C9orf72: variants seen among roughly 807,000 people sequenced by gnomAD.
The protein encoded by C9orf72 is guanine nucleotide exchange factor C9orf72.
C9orf72 carries 44 observed loss-of-function variants against 51.6 expected under a neutral mutation model. The ratio of observed to expected loss-of-function variants is 0.85; its 90% CI spans 0.67 to 1.10. The LOEUF is 1.10. Among genes scored for constraint, C9orf72 ranks in the 50% least tolerant of loss-of-function variants. The probability of loss-of-function intolerance (pLI) is 0.00; values close to 1 mark genes in which losing one functional copy is unlikely to be tolerated. For missense variants in C9orf72, 607 were observed against 570.6 expected, an observed-to-expected ratio of 1.06 and a Z score of -0.65; for synonymous variants, 213 against 194.2, an observed-to-expected ratio of 1.10 and a Z score of -0.81.
intron 1 of C9orf72, among the ~76,000 whole-genome samples, chr9:27,569,810 T>C (rs976749598): frequency 1.3e-5 from 2 of 152,256 alleles, no homozygotes; most frequent in African/African-American, 4.8e-5. Context: ...AGGCAAACTA[T>C]GATATACCTA....
intron 5 of C9orf72, 62 bp from the exon 6 acceptor site, chr9:27,560,361 C>T (rs1197329397): frequency 2.3e-6 from 3 of 1,292,300 alleles, no homozygotes; most frequent in Admixed American, 2.4e-5. Flanking sequence ...AAACTAAAAA[C>T]AAAAAAAAGT....
chr9:27,561,697 G>T, intron 4 of C9orf72, 48 bp from the exon 5 acceptor site: 1 of 1,196,814 alleles, frequency 8.4e-7, no homozygotes. Flanking sequence ...GTAACATAGT[G>T]TTGAAATAAC....
intron 3 of C9orf72, 111 bp downstream of exon 3, chr9:27,565,420 T>C: frequency 1.7e-6 from 1 of 594,638 alleles, no homozygotes; most frequent in South Asian, 2.6e-5. Flanking sequence ...CCATAAAAGC[T>C]CCATTAAAGG....
intron 8 of C9orf72, among the ~76,000 whole-genome samples, chr9:27,551,462 G>A (rs1820907529): frequency 6.6e-6 from 1 of 152,126 alleles, no homozygotes; most frequent in African/African-American, 2.4e-5. Context: ...TTCTACTCAG[G>A]CCAGAGGGTA....
At chr9:27,571,916 A>G (rs1376012157) in intron 1 of C9orf72, among the ~76,000 whole-genome samples, 1 of 152,212 alleles carries the variant, frequency 6.6e-6, no homozygotes, top group Non-Finnish European at 1.5e-5. Flanking sequence ...AATCTTCAAC[A>G]TCAGGGAAGA....
intron 3 of C9orf72, among the ~76,000 whole-genome samples, chr9:27,563,107 A>G (rs914447478): frequency 1.3e-5 from 2 of 152,194 alleles, no homozygotes; most frequent in African/African-American, 4.8e-5. Context: ...AGACTTTGAA[A>G]TCCTTACCAA....
intron 6 of C9orf72, chr9:27,559,575 CTT>C (rs1180992158): frequency 6.6e-6 from 1 of 151,942 alleles, no homozygotes; most frequent in African/African-American, 2.4e-5. Context: ...CTATGTAAAA[CTT>C]TTTTTAAAAA....
chr9:27,565,522 T>G lies in C9orf72; in HGVS notation c.504+9A>C. The G allele has an allele frequency of 6.4e-7, 1 of 1,572,774 alleles. No homozygotes were observed. Among genetic ancestry groups the G allele is most frequent in the Non-Finnish European group, 8.7e-7 (1 of 1,145,034 alleles). On this transcript the variant is annotated intron_variant, in intron 3 of 10. Coordinates refer to ENST00000380003, the MANE Select transcript of C9orf72 (RefSeq NM_018325.5). Reference sequence around the variant, plus strand: ...GAAAAACATTTGACAGTATGCAATTTGCATATACCTGATCTTCCATTCTCT... The same window carrying G: ...GAAAAACATTTGACAGTATGCAATTGGCATATACCTGATCTTCCATTCTCT...
chr9:27,560,432 C>T (rs1313612658), intron 5 of C9orf72, 133 bp from the exon 6 acceptor site: 1 of 667,076 alleles, frequency 1.5e-6, no homozygotes, highest in African/African-American at 1.8e-5. Context: ...GCTATAAGCA[C>T]AATGTTATCT....
chr9:27,570,064 T>C (rs1164137671), intron 1 of C9orf72, among the ~76,000 whole-genome samples: 1 of 152,232 alleles, frequency 6.6e-6, no homozygotes, highest in East Asian at 1.9e-4. Context: ...ACGACAGTTT[T>C]AACACGTGTA....
chr9:27,548,739 T>C (rs2131527133), intron 9 of C9orf72, 73 bp from the exon 10 acceptor site: 1 of 816,654 alleles, frequency 1.2e-6, no homozygotes, highest in Non-Finnish European at 2.1e-6. Flanking sequence ...TATGACAGTG[T>C]TGACAGTGCT....
intron 7 of C9orf72, among the ~76,000 whole-genome samples, chr9:27,558,192 C>T (rs1419601025): frequency 1.3e-5 from 2 of 149,682 alleles, no homozygotes; most frequent in Non-Finnish European, 3.0e-5. Flanking sequence ...AAGAAATGAT[C>T]TTATTTTTGA....
Position 27,547,710 on chromosome 9 carries a change from CTGCT to C in C9orf72, c.*522_*525del, listed in dbSNP as rs1820797160. 1 of 152,596 alleles carries C rather than the reference CTGCT, an allele frequency of 6.6e-6. No individual in the cohort carries two copies. Among genetic ancestry groups the C allele is most frequent in the Admixed American group, 6.5e-5 (1 of 15,278 alleles). The allele number at this position is 152,596 out of a possible 1,614,324, so 9.5% of individuals were successfully genotyped here. On this transcript the variant is annotated 3_prime_UTR_variant, in exon 11 of 11. Coordinates refer to ENST00000380003, the MANE Select transcript of C9orf72 (RefSeq NM_018325.5). ...CTAATAATCAATTCCAATTAAACAT[CTGCT>C]TGATCAATTTTCTTTCTAAAGCTCA...
rs1235192595 is a variant in C9orf72 at position 27,561,650 on chromosome 9, C to G, written c.601-1G>C. On this transcript the variant is annotated splice_acceptor_variant, in intron 4 of 10. Coordinates refer to ENST00000380003, the MANE Select transcript of C9orf72 (RefSeq NM_018325.5). LOFTEE classifies it high-confidence loss of function. Reference sequence around the variant, plus strand: ...CATCATTGAGTACTGTATCAGCTATCTAAAATGCATCAAAAAATAAAAAAA... The same window carrying G: ...CATCATTGAGTACTGTATCAGCTATGTAAAATGCATCAAAAAATAAAAAAA... 1 of 1,572,854 alleles carries G rather than the reference C, an allele frequency of 6.4e-7. No individual in the cohort carries two copies. The highest frequency in any genetic ancestry group is 8.7e-7 in the Non-Finnish European group (1 of 1,150,240).
At chr9:27,571,686 A>G (rs1819589532) in intron 1 of C9orf72, among the ~76,000 whole-genome samples, 2 of 152,166 alleles carry the variant, frequency 1.3e-5, no homozygotes, top group South Asian at 4.1e-4. Flanking sequence ...TCCTGGCTTC[A>G]AGTGATCCTC....
intron 8 of C9orf72, 123 bp from the exon 9 acceptor site, chr9:27,550,830 T>C (rs1377383086): frequency 4.0e-6 from 2 of 505,220 alleles, no homozygotes; most frequent in Non-Finnish European, 7.2e-6. Context: ...TGATATTACA[T>C]ATAAACACAT....
At chr9:27,550,037 T>C (rs1820874278) in intron 9 of C9orf72, among the ~76,000 whole-genome samples, 2 of 150,716 alleles carry the variant, frequency 1.3e-5, no homozygotes, top group East Asian at 3.9e-4. Flanking sequence ...CACTCTATCA[T>C]AGAGTATATG....
At chr9:27,551,561 G>A (rs1820909377) in intron 8 of C9orf72, among the ~76,000 whole-genome samples, 1 of 152,200 alleles carries the variant, frequency 6.6e-6, no homozygotes, top group African/African-American at 2.4e-5. Flanking sequence ...AAGAGAATGG[G>A]TATGTGTAGA....
chr9:27,546,580 T>C lies in C9orf72; in HGVS notation c.*1656A>G, dbSNP rs1449341219. 6.6e-6 allele frequency: 1 copy of C among 152,154 alleles called. No individual in the cohort carries two copies. The highest frequency in any genetic ancestry group is 1.5e-5 in the Non-Finnish European group (1 of 67,996). The allele number at this position is 152,154 out of a possible 1,614,324, so 9.4% of individuals were successfully genotyped here. On this transcript the variant is annotated 3_prime_UTR_variant, in exon 11 of 11. Transcript: ENST00000380003. The stretch of plus-strand genomic sequence containing the variant: ...AATATATTTTATTCAAAATTCTCCA[T>C]TTAGGAGAAAAGATATATAACAATG...
Sources: gnomAD v4.1 joint callset for allele counts (sites outside exome capture counted in the v4.1 genomes callset) on GRCh38, gnomAD v4.1.1 for gene constraint, MANE v1.5 for transcripts, NCBI Gene and HGNC (gene_info 2026-07-23, HGNC 2026-07-21) for gene names.